Variants in KIF17 observed in about 807,000 individuals in gnomAD.
The protein encoded by KIF17 is kinesin-like protein KIF17.
KIF17 carries 80 observed loss-of-function variants against 96.8 expected under a neutral mutation model. That is an observed-to-expected ratio of 0.83 (90% CI 0.69 to 1.00). KIF17 has a LOEUF of 1.00. KIF17 is among the 50% of genes least tolerant of loss of function. The probability of loss-of-function intolerance (pLI) is 0.00; values close to 1 mark genes in which losing one functional copy is unlikely to be tolerated. For synonymous variants in KIF17, 567 were observed against 587.5 expected (o/e 0.97, Z 0.51); for missense variants, 1,280 against 1,372.9 (o/e 0.93, Z 1.07).
At position 20,664,074 on chromosome 1, in the gene KIF17, C is replaced by T. The variant is rs140575156; in HGVS notation, c.*510G>A. The T allele has an allele frequency of 7.7e-4, 150 of 193,740 alleles. 1 individual carries two copies. The highest frequency in any genetic ancestry group is 3.2e-3 in the African/African-American group (138 of 43,688). The allele number at this position is 193,740 out of a possible 1,614,324, so 12.0% of individuals were successfully genotyped here. A position where few individuals can be genotyped will look rare whatever the true frequency, so the allele number is the denominator to read the frequency against. On this transcript the variant is annotated 3_prime_UTR_variant, in exon 15 of 15. Transcript: ENST00000400463. ...GGAGTGGCCTTCCTTGGGCCACAGA[C>T]CAGCCAGGGGTGGGCAGTGCAGGAA...
chr1:20,663,119 G>T (rs1218561260), downstream of KIF17, among the ~76,000 whole-genome samples: 2 of 152,200 alleles, frequency 1.3e-5, no homozygotes, highest in African/African-American at 4.8e-5. Flanking sequence ...AGCTACTCAT[G>T]AGTCTGAGAC....
Position 20,713,442 on chromosome 1 carries a change from G to A in KIF17, c.480+12C>T, listed in dbSNP as rs758175808. ...TACCAGCCCCACCTGCCCACAATGGGTCTGCACCCACCTCCAGCTTCTGCT... is the reference window on the plus strand; with the variant it reads ...TACCAGCCCCACCTGCCCACAATGGATCTGCACCCACCTCCAGCTTCTGCT... On this transcript the variant is annotated intron_variant, in intron 3 of 14. Coordinates refer to ENST00000400463, the MANE Select transcript of KIF17 (RefSeq NM_001122819.3). 2 of 1,605,296 alleles carry A rather than the reference G, an allele frequency of 1.2e-6. No homozygotes were observed. Among genetic ancestry groups the A allele is most frequent in the Non-Finnish European group, 1.7e-6 (2 of 1,173,064 alleles).
intron 6 of KIF17, among the ~76,000 whole-genome samples, chr1:20,691,859 A>T (rs1361038396): frequency 6.6e-6 from 1 of 152,178 alleles, no homozygotes; most frequent in Non-Finnish European, 1.5e-5. Context: ...ACACCTTTCC[A>T]TGTTGGCAAA....
chr1:20,687,252 C>T lies in KIF17; in HGVS notation c.1938+136G>A, dbSNP rs1305384584. 5.8e-5 allele frequency: 56 copies of T among 969,020 alleles called. 1 individual carries two copies. The East Asian group carries it at 1.1e-3, about 19-fold the overall frequency. The allele number at this position is 969,020 out of a possible 1,614,324, so 60.0% of individuals were successfully genotyped here. On this transcript the variant is annotated intron_variant, in intron 8 of 14. Transcript: ENST00000400463. This position sits in a 1 kb window ranked among gnomAD's most constrained non-coding sequence, Gnocchi z 4.4. Reference sequence around the variant, plus strand: ...CTGAGCCAGCCACCAGTGCCAGAGCCGCAGCAGACACAGTGGAGCCACGGC... The same window carrying T: ...CTGAGCCAGCCACCAGTGCCAGAGCTGCAGCAGACACAGTGGAGCCACGGC...
At position 20,690,343 on chromosome 1, in the gene KIF17, G is replaced by C. The variant is rs745549123; in HGVS notation, c.1234-8C>G. On this transcript the variant is annotated splice_polypyrimidine_tract_variant and splice_region_variant and intron_variant, in intron 6 of 14. Transcript: ENST00000400463. ...CAGGCGCTCTTCATACTCCTGGGGG[G>C]GTGGGAGGGACCAGAGGGCAGGCAG... 3.1e-6 allele frequency: 5 copies of C among 1,596,504 alleles called. No individual in the cohort carries two copies. The Admixed American group carries it at 5.1e-5, about 16-fold the overall frequency.
At chr1:20,697,715 A>G (rs2054166068) in intron 6 of KIF17, among the ~76,000 whole-genome samples, 1 of 152,222 alleles carries the variant, frequency 6.6e-6, no homozygotes, top group Non-Finnish European at 1.5e-5. Flanking sequence ...CTGGAAACCA[A>G]CAGAGCGTGG....
chr1:20,707,780 A>AGTGTGTGTGTGT (rs1557603646), intron 4 of KIF17, among the ~76,000 whole-genome samples: 1 of 99,910 alleles, frequency 1.0e-5, no homozygotes, highest in African/African-American at 5.2e-5. Context: ...AAAACAAACC[A>AGTGTGTGTGTGT]ATGTGTATGT....
chr1:20,701,052 C>T (rs1203322491), intron 5 of KIF17, among the ~76,000 whole-genome samples: 2 of 152,188 alleles, frequency 1.3e-5, no homozygotes, highest in Non-Finnish European at 2.9e-5. Flanking sequence ...GTGTGCCTGA[C>T]CCCGGGTTTC....
chr1:20,666,403 GTAT>G, intron 13 of KIF17, 72 bp from the exon 14 acceptor site: 2 of 1,254,914 alleles, frequency 1.6e-6, no homozygotes, highest in Non-Finnish European at 2.3e-6. Context: ...ACAGCCTCTG[GTAT>G]CCTGGGGCAG....
At position 20,704,784 on chromosome 1, in the gene KIF17, C is replaced by G. The variant is rs750870052; in HGVS notation, c.786G>C (p.Lys262Asn). 2 of 1,610,932 alleles carry G rather than the reference C, an allele frequency of 1.2e-6. No homozygotes were observed. The highest frequency in any genetic ancestry group is 2.2e-5 in the South Asian group (2 of 91,028). Residue 262 changes from lysine to asparagine, a missense_variant, in exon 5 of 15, where the codon AAG (lysine) becomes AAC (asparagine). By Grantham distance (94) the Lys-to-Asn change is moderately conservative (BLOSUM62 0). Transcript: ENST00000400463. The surrounding 1 kb of genome is among the most constrained non-coding windows in gnomAD (Gnocchi z 6.8). Reference sequence around the variant, plus strand: ...CCAGTGCCGAGAGCGACAGGTTGATCTTGGTGGCCTCCTTGAGCCGCTCGC... The same window carrying G: ...CCAGTGCCGAGAGCGACAGGTTGATGTTGGTGGCCTCCTTGAGCCGCTCGC... ...ATGERLKEAT[K>N]INLSLSALGN...
At chr1:20,686,196 C>T (rs2053936142) in intron 8 of KIF17, 70 bp from the exon 9 acceptor site, 18 of 1,358,536 alleles carry the variant, frequency 1.3e-5, no homozygotes, top group Non-Finnish European at 1.5e-5. Context: ...ACTCCCTCAC[C>T]CCTGGCCTCA....
downstream of KIF17, chr1:20,663,997 G>C (rs1190978156): frequency 7.9e-5 from 13 of 165,256 alleles, no homozygotes; most frequent in Admixed American, 6.7e-4. Flanking sequence ...ACTGTCAGAG[G>C]GTCAGAGAAG....
In KIF17 at chr1:20,713,501, CA is replaced by C; in HGVS notation, c.432del (p.Asn144LysfsTer18). The C allele has an allele frequency of 6.2e-7, 1 of 1,613,546 alleles. No individual in the cohort carries two copies. The highest frequency in any genetic ancestry group is 8.5e-7 in the Non-Finnish European group (1 of 1,179,930). On this transcript the variant is annotated frameshift_variant, in exon 3 of 15. Transcript: ENST00000400463. LOFTEE classifies it high-confidence loss of function. ...LVRASYLEIY[N>X]EDVRDLLGAD... is the part of the protein sequence containing the mutation. ...GCCCCAAGGAGGTCCCGGACATCTTCATTGTAGATCTCCAGGTAGGAGGCCC... is the reference window on the plus strand; with the variant it reads ...GCCCCAAGGAGGTCCCGGACATCTTCTTGTAGATCTCCAGGTAGGAGGCCC...
chr1:20,682,960 G>T, intron 10 of KIF17, 76 bp from the exon 11 acceptor site: 2 of 1,318,394 alleles, frequency 1.5e-6, no homozygotes, highest in Non-Finnish European at 2.1e-6. Context: ...CAGGCTCCAG[G>T]CTATGCGTGG....
At chr1:20,669,088 T>C (rs1054215385) in intron 13 of KIF17, among the ~76,000 whole-genome samples, 14 of 151,990 alleles carry the variant, frequency 9.2e-5, no homozygotes, top group African/African-American at 3.4e-4. Flanking sequence ...TTTCATATCA[T>C]TGTTCATGGA....
chr1:20,714,009 A>G (rs1446566996), intron 2 of KIF17, among the ~76,000 whole-genome samples: 1 of 152,118 alleles, frequency 6.6e-6, no homozygotes, highest in Admixed American at 6.6e-5. Flanking sequence ...CAACAAGGTG[A>G]AACCCCCGTC....
intron 6 of KIF17, among the ~76,000 whole-genome samples, chr1:20,696,462 G>A (rs943906942): frequency 5.3e-5 from 8 of 152,200 alleles, no homozygotes; most frequent in Non-Finnish European, 1.0e-4. Context: ...GCGTCAGCCA[G>A]CACCACTCTG....
intron 13 of KIF17, 50 bp from the exon 14 acceptor site, chr1:20,666,381 G>A: frequency 6.9e-7 from 1 of 1,439,908 alleles, no homozygotes; most frequent in Non-Finnish European, 9.8e-7. Flanking sequence ...TGTGCCCCTG[G>A]CACAGGGCTC....
chr1:20,705,652 C>T (rs921835601), intron 4 of KIF17, among the ~76,000 whole-genome samples: 1 of 152,162 alleles, frequency 6.6e-6, no homozygotes, highest in Non-Finnish European at 1.5e-5. Flanking sequence ...CACTTAAAGA[C>T]AGAGCCTAGG....
Sources: gnomAD v4.1 joint callset for allele counts (sites outside exome capture counted in the v4.1 genomes callset) on GRCh38, gnomAD v4.1.1 for gene constraint, Gnocchi (gnomAD v3.1) non-coding constraint, MANE v1.5 for transcripts, NCBI Gene and HGNC (gene_info 2026-07-23, HGNC 2026-07-21) for gene names.